Variants in LIG4 observed in about 807,000 individuals in gnomAD.
LIG4 encodes DNA ligase 4, also known as DNA joinase.
Under a neutral mutation model 19.0 loss-of-function variants are expected in LIG4, and 13 were observed. The ratio of observed to expected loss-of-function variants is 0.68; its 90% confidence interval spans 0.44 to 1.09. LIG4 has a LOEUF of 1.09. Among genes scored for constraint, LIG4 ranks in the 50% least tolerant of loss-of-function variants. The pLI, the probability that LIG4 is intolerant of heterozygous loss-of-function variation, is 0.00. For synonymous variants in LIG4, 361 were observed against 358.2 expected (o/e 1.01, Z -0.09); for missense variants, 1,026 against 1,089.7 (o/e 0.94, Z 0.82).
At chr13:108,212,738 T>C (rs991835074) in intron 2 of LIG4, among the ~76,000 whole-genome samples, 2 of 151,108 alleles carry the variant, frequency 1.3e-5, no homozygotes, top group African/African-American at 4.9e-5. Flanking sequence ...GTAAAATAAA[T>C]CAAATGGCTA....
chr13:108,217,633 G>T (rs191147329), upstream of LIG4, among the ~76,000 whole-genome samples: 18 of 152,144 alleles, frequency 1.2e-4, no homozygotes, highest in African/African-American at 3.6e-4. Flanking sequence ...GGAGGCGGAG[G>T]TTGCAGTGAG....
chr13:108,210,471 C>T lies in LIG4; in HGVS notation c.798G>A (p.Gln266=). The T allele has an allele frequency of 6.2e-7, 1 of 1,613,198 alleles. No individual in the cohort carries two copies. Among genetic ancestry groups the T allele is most frequent in the Middle Eastern group, 1.7e-4 (1 of 6,050 alleles). ...CTAGCTTGGTTTCTATGTAGAAACT[C>T]TGATGTTTCATATCCTTCTCAATGT... ...IEHIEKDMKH[Q]SFYIETKLDG... The change falls in exon 3 of 3, where the codon CAG becomes CAA. Residue 266 remains glutamine, a synonymous_variant. Coordinates refer to ENST00000442234, the MANE Select transcript of LIG4 (RefSeq NM_206937.2).
upstream of LIG4, among the ~76,000 whole-genome samples, chr13:108,215,697 G>A (rs906810879): frequency 6.6e-6 from 1 of 151,360 alleles, no homozygotes; most frequent in Non-Finnish European, 1.5e-5. Flanking sequence ...TCCTGGTTAG[G>A]GTCTTGAGTA....
intron 1 of LIG4, among the ~76,000 whole-genome samples, chr13:108,215,038 T>C (rs1464404298): frequency 1.6e-5 from 1 of 60,736 alleles, no homozygotes; most frequent in African/African-American, 7.1e-5. Context: ...ACCCATCTGA[T>C]CCCCCAGACC....
In LIG4 at chr13:108,210,111, A is replaced by G; in HGVS notation, c.1158T>C (p.Tyr386=). Reference sequence around the variant, plus strand: ...GTGTAAAAATACTACTAAGAATCTCATACCTCTTTCTCAGAGTCTCATGCC... The same window carrying G: ...GTGTAAAAATACTACTAAGAATCTCGTACCTCTTTCTCAGAGTCTCATGCC... ...KLGHETLRKR[Y]EILSSIFTPI... Residue 386 remains tyrosine, a synonymous_variant, in exon 3 of 3, where the codon TAT becomes TAC. Coordinates refer to ENST00000442234, the MANE Select transcript of LIG4 (RefSeq NM_206937.2). 1 of 1,613,604 alleles carries G rather than the reference A, an allele frequency of 6.2e-7. No individual in the cohort carries two copies. The highest frequency in any genetic ancestry group is 8.5e-7 in the Non-Finnish European group (1 of 1,179,902).
chr13:108,208,579 G>C lies in LIG4; in HGVS notation c.2690C>G (p.Ser897Ter), dbSNP rs750080610. 6.2e-6 allele frequency: 10 copies of C among 1,612,636 alleles called. No individual in the cohort carries two copies. In the Admixed American group the frequency reaches 6.7e-5, roughly 11 times the overall value. ...KILKESWVTD[S>*]IDKCELQEEN... ...TTCTTGTAATTCACACTTGTCTATT[G>C]AATCAGTTACCCAACTTTCTTTTAG... Residue 897 changes from serine to a stop codon, truncating the protein, a stop_gained, in exon 3 of 3, where the codon TCA becomes TGA. Transcript: ENST00000442234. LOFTEE classifies it high-confidence loss of function.
Position 108,209,924 on chromosome 13 carries a change from T to G in LIG4, c.1345A>C (p.Lys449Gln), listed in dbSNP as rs758694012. The G allele has an allele frequency of 2.5e-6, 4 of 1,614,008 alleles. No individual in the cohort carries two copies. Among genetic ancestry groups the G allele is most frequent in the Non-Finnish European group, 3.4e-6 (4 of 1,180,038 alleles). The change falls in exon 3 of 3, where the codon AAA becomes CAA. Residue 449 changes from lysine (K) to glutamine (Q), a missense_variant. Lys to Gln is a moderately conservative substitution (Grantham distance 53). Transcript: ENST00000442234. ...CCACTGACATACTCTGGTTTAATTT[T>G]TAACCACCCTTCACCTCTTTTGTCT... ...KPDKRGEGWL[K>Q]IKPEYVSGLM...
chr13:108,211,192 A>G lies in LIG4; in HGVS notation c.77T>C (p.Ile26Thr). 1 of 1,613,440 alleles carries G rather than the reference A, an allele frequency of 6.2e-7. No homozygotes were observed. The highest frequency in any genetic ancestry group is 1.1e-5 in the South Asian group (1 of 91,074). Residue 26 changes from isoleucine to threonine, a missense_variant, in exon 3 of 3, where the codon ATA (isoleucine) becomes ACA (threonine). Physicochemically the swap from Ile to Thr is moderately conservative, Grantham distance 89 (BLOSUM62 -1). Transcript: ENST00000442234. ...FADLCSTLER[I>T]QKSKGRAEKI... ...TTCTGCACGTCCTTTACTTTTCTGT[A>G]TTCGTTCTAAAGTTGAACACAAATC...
chr13:108,212,037 T>C (rs764415250), intron 2 of LIG4, among the ~76,000 whole-genome samples: 2 of 152,152 alleles, frequency 1.3e-5, no homozygotes, highest in Non-Finnish European at 2.9e-5. Context: ...CTTATAAGTA[T>C]AAATTTATTA....
chr13:108,217,176 T>G (rs1879345165), upstream of LIG4, among the ~76,000 whole-genome samples: 1 of 151,956 alleles, frequency 6.6e-6, no homozygotes, highest in Non-Finnish European at 1.5e-5. Context: ...GTCAGGAGTT[T>G]GACACCAGCC....
At chr13:108,212,704 CA>C (rs778183543) in intron 2 of LIG4, among the ~76,000 whole-genome samples, 2 of 150,876 alleles carry the variant, frequency 1.3e-5, no homozygotes, top group Non-Finnish European at 2.9e-5. Context: ...CACACATGCA[CA>C]AGGCTACATT....
Position 108,208,936 on chromosome 13 carries a change from A to G in LIG4, c.2333T>C (p.Phe778Ser). Residue 778 changes from phenylalanine (F) to serine (S), a missense_variant, in exon 3 of 3, where the codon TTC (phenylalanine) becomes TCC (serine). Physicochemically the swap from Phe to Ser is radical, Grantham distance 155. Transcript: ENST00000442234. ...DTDLNQLKEV[F>S]SGIKNSNEQT... ...CTCGTTAGAATTTTTAATTCCTGAG[A>G]ATACTTCCTTCAGTTGGTTCAAGTC... The G allele has an allele frequency of 6.2e-7, 1 of 1,614,204 alleles. No individual in the cohort carries two copies.
chr13:108,209,206 T>C lies in LIG4; in HGVS notation c.2063A>G (p.Tyr688Cys). 2 of 1,614,206 alleles carry C rather than the reference T, an allele frequency of 1.2e-6. No homozygotes were observed. Among genetic ancestry groups the C allele is most frequent in the Non-Finnish European group, 1.7e-6 (2 of 1,180,038 alleles). The change falls in exon 3 of 3, where the codon TAT becomes TGT. Residue 688 changes from tyrosine (Y) to cysteine (C), a missense_variant. Physicochemically the swap from Tyr to Cys is radical, Grantham distance 194. Transcript: ENST00000442234. The part of the protein sequence containing the change: ...LENRIAEFGG[Y>C]IVQNPGPDTY... ...GTCTGGGCCTGGATTTTGTACTATA[T>C]AACCACCAAATTCTGCAATTCTGTT...
At position 108,209,367 on chromosome 13, in the gene LIG4, C is replaced by T. The variant is rs776973479; in HGVS notation, c.1902G>A (p.Met634Ile). 14 of 1,614,138 alleles carry T rather than the reference C, an allele frequency of 8.7e-6. No homozygotes were observed. Among genetic ancestry groups the T allele is most frequent in the Middle Eastern group, 1.6e-4 (1 of 6,062 alleles). Residue 634 changes from methionine to isoleucine, a missense_variant, in exon 3 of 3, where the codon ATG becomes ATA. Physicochemically the swap from Met to Ile is conservative, Grantham distance 10. Around this residue, in one of 3 missense-constraint regions of LIG4, gnomAD observed 521 missense variants for 515.5 expected, o/e 1.01. Transcript: ENST00000442234. ...GCTCAATAATTCCAATAACTTTCTT[C>T]ATCTTTGGGGCAGCTTTCCGCTTTT... ...QEKKRKAAPKMKKVIGIIEHL... is the reference protein window; with the variant it reads ...QEKKRKAAPKIKKVIGIIEHL...
At position 108,209,025 on chromosome 13, in the gene LIG4, TG is replaced by T; in HGVS notation, c.2243del (p.Pro748HisfsTer24). The T allele has an allele frequency of 6.2e-7, 1 of 1,614,158 alleles. No individual in the cohort carries two copies. Among genetic ancestry groups the T allele is most frequent in the Non-Finnish European group, 8.5e-7 (1 of 1,180,032 alleles). On this transcript the variant is annotated frameshift_variant, in exon 3 of 3. Transcript: ENST00000442234. LOFTEE classifies it low-confidence loss of function (END_TRUNC). The part of the protein sequence containing the change: ...WQPRFMIHMC[P>X]STKEHFAREY... ...CACGGGCAAAATGTTCTTTGGTTGA[TG>T]GGCACATATGAATCATAAAGCGAGG... is the stretch of plus-strand genomic sequence containing the variant.
chr13:108,216,891 G>A (rs965428145), upstream of LIG4, among the ~76,000 whole-genome samples: 1 of 151,764 alleles, frequency 6.6e-6, no homozygotes, highest in African/African-American at 2.4e-5. Context: ...TAGTTGATTG[G>A]TTCAAAGACA....
chr13:108,212,957 T>G (rs1215460979), intron 2 of LIG4, among the ~76,000 whole-genome samples: 1 of 152,020 alleles, frequency 6.6e-6, no homozygotes, highest in Non-Finnish European at 1.5e-5. Context: ...TGGGTGAGAT[T>G]CAGTTTGGTT....
At chr13:108,211,659 T>A (rs911512847) in intron 2 of LIG4, among the ~76,000 whole-genome samples, 1 of 152,228 alleles carries the variant, frequency 6.6e-6, no homozygotes, top group Non-Finnish European at 1.5e-5. Flanking sequence ...TCATCAGGCT[T>A]AATTCACTTC....
upstream of LIG4, among the ~76,000 whole-genome samples, chr13:108,217,300 G>C (rs1192041783): frequency 1.3e-5 from 2 of 152,230 alleles, no homozygotes; most frequent in Non-Finnish European, 2.9e-5. Flanking sequence ...TGGATCACCA[G>C]AGGTGGGGAG....
Sources: gnomAD v4.1 joint callset for allele counts (sites outside exome capture counted in the v4.1 genomes callset) on GRCh38, gnomAD v4.1.1 for gene constraint, gnomAD v4.1.1 regional missense constraint, MANE v1.5 for transcripts, NCBI Gene and HGNC (gene_info 2026-07-23, HGNC 2026-07-21) for gene names.